The following MYD88 variants were observed in gnomAD, a reference collection of about 807,000 sequenced individuals.
MYD88 encodes the protein myeloid differentiation primary response protein MyD88.
A neutral mutation model predicts 31.1 loss-of-function variants in MYD88; 15 were observed. The ratio of observed to expected loss-of-function variants is 0.48; its 90% CI spans 0.32 to 0.74. MYD88 has a LOEUF of 0.74. MYD88 is among the 30% of genes least tolerant of loss of function. The probability of loss-of-function intolerance (pLI) is 0.03; values close to 1 mark genes in which losing one functional copy is unlikely to be tolerated. For missense variants in MYD88, 308 were observed against 387.4 expected, an observed-to-expected ratio of 0.79 and a Z score of 1.72; for synonymous variants, 157 against 158.8, an observed-to-expected ratio of 0.99 and a Z score of 0.08.
Position 38,141,235 on chromosome 3 carries a change from C to G in MYD88, c.840C>G (p.Cys280Trp), listed in dbSNP as rs1412285889. 1 of 1,614,112 alleles carries G rather than the reference C, an allele frequency of 6.2e-7. No homozygotes were observed. Among genetic ancestry groups the G allele is most frequent in the Admixed American group, 1.7e-5 (1 of 60,010 alleles). The change falls in exon 5 of 5, where the codon TGC becomes TGG. Residue 280 changes from cysteine (C) to tryptophan (W), a missense_variant. Cys to Trp is a radical substitution (Grantham distance 215). Coordinates refer to ENST00000650905, the MANE Select transcript of MYD88 (RefSeq NM_002468.5). ...FITVCDYTNP[C>W]TKSWFWTRLA... Reference sequence around the variant, plus strand: ...CTGTCTGCGACTACACCAACCCCTGCACCAAATCTTGGTTCTGGACTCGCC... The same window carrying G: ...CTGTCTGCGACTACACCAACCCCTGGACCAAATCTTGGTTCTGGACTCGCC...
intron 2 of MYD88, 162 bp from the exon 3 acceptor site, chr3:38,140,226 G>C (rs1231528370): frequency 2.1e-6 from 2 of 964,328 alleles, no homozygotes; most frequent in Non-Finnish European, 3.2e-6. Context: ...CTTAGCCCCT[G>C]AGGTACTCAT....
Position 38,141,160 on chromosome 3 carries a change from C to T in MYD88, c.765C>T (p.Ile255=), listed in dbSNP as rs1164336742. ...PGAHQKRLIP[I]KYKAMKKEFP... ...CCCATCAGAAGCGACTGATCCCCAT[C>T]AAGTACAAGGCAATGAAGAAAGAGT... The change falls in exon 5 of 5, where the codon ATC becomes ATT. Residue 255 remains isoleucine (I), a synonymous_variant. Transcript: ENST00000650905. 1.9e-6 allele frequency: 3 copies of T among 1,614,228 alleles called. No individual in the cohort carries two copies. Among genetic ancestry groups the T allele is most frequent in the South Asian group, 1.1e-5 (1 of 91,086 alleles).
chr3:38,139,530 C>T lies in MYD88; in HGVS notation c.329-334C>T, dbSNP rs1189207378. 2.3e-6 allele frequency: 1 copy of T among 442,142 alleles called. No homozygotes were observed. The highest frequency in any genetic ancestry group is 4.2e-6 in the Non-Finnish European group (1 of 237,670). 27.4% of individuals were successfully genotyped at this position (442,142 alleles called of 1,614,324 possible). ...CAGTGGGTCTCCTGAGCCTTTCTGG[C>T]ATGCCCAGCCCCTTGCTCACATCTG... On this transcript the variant is annotated intron_variant, in intron 1 of 4. Coordinates refer to ENST00000650905, the MANE Select transcript of MYD88 (RefSeq NM_002468.5). This position sits in a 1 kb window ranked among gnomAD's most constrained non-coding sequence, Gnocchi z 4.7.
Position 38,139,771 on chromosome 3 carries a change from G to C in MYD88, c.329-93G>C. 1.3e-6 allele frequency: 2 copies of C among 1,546,582 alleles called. No individual in the cohort carries two copies. Among genetic ancestry groups the C allele is most frequent in the Non-Finnish European group, 1.8e-6 (2 of 1,133,576 alleles). On this transcript the variant is annotated intron_variant, in intron 1 of 4. Coordinates refer to ENST00000650905, the MANE Select transcript of MYD88 (RefSeq NM_002468.5). The surrounding 1 kb of genome is among the most constrained non-coding windows in gnomAD (Gnocchi z 4.7). ...TGGGGAAGCCCTCTAGAACAACCCA[G>C]CCAGAGGAGGTGGGACAGCGGCTGG...
At position 38,139,486 on chromosome 3, in the gene MYD88, G is replaced by C. The variant is rs1432623096; in HGVS notation, c.329-378G>C. ...ACAGACAGGCACACCTTGCTGAGTTGGAATCACTGCACCATAACCAGTGGG... is the reference window on the plus strand; with the variant it reads ...ACAGACAGGCACACCTTGCTGAGTTCGAATCACTGCACCATAACCAGTGGG... On this transcript the variant is annotated intron_variant, in intron 1 of 4. Transcript: ENST00000650905. This position sits in a 1 kb window ranked among gnomAD's most constrained non-coding sequence, Gnocchi z 4.7. 2.5e-6 allele frequency: 1 copy of C among 407,672 alleles called. No homozygotes were observed. Among genetic ancestry groups the C allele is most frequent in the East Asian group, 5.2e-5 (1 of 19,142 alleles). The allele number at this position is 407,672 out of a possible 1,614,324, so 25.3% of individuals were successfully genotyped here.
intron 4 of MYD88, 34 bp downstream of exon 4, chr3:38,140,882 G>A (rs774256832): frequency 6.3e-7 from 1 of 1,590,614 alleles, no homozygotes; most frequent in Middle Eastern, 1.7e-4. Flanking sequence ...AGAGAATGAG[G>A]GAATGTGTAG....
rs1701076231 is a variant in MYD88 at position 38,141,302 on chromosome 3, C to T, written c.*16C>T. 4.3e-6 allele frequency: 7 copies of T among 1,614,180 alleles called. No individual in the cohort carries two copies. The highest frequency in any genetic ancestry group is 5.1e-6 in the Non-Finnish European group (6 of 1,180,006). On this transcript the variant is annotated 3_prime_UTR_variant, in exon 5 of 5. Transcript: ENST00000650905. ...CCTGCCCTGAAGACTGTTCTGAGGCCCTGGGTGTGTGTGTATCTGTCTGCC... is the reference window on the plus strand; with the variant it reads ...CCTGCCCTGAAGACTGTTCTGAGGCTCTGGGTGTGTGTGTATCTGTCTGCC...
In MYD88 at chr3:38,139,014, T is replaced by C; in HGVS notation, c.314T>C (p.Leu105Pro). The stretch of plus-strand genomic sequence containing the variant: ...GGCCGCGACGACGTGCTGCTGGAGC[T>C]GGGACCCAGCATTGGTGAGGACGTC... The part of the protein sequence containing the change: ...KLGRDDVLLE[L>P]GPSIEEDCQK... Residue 105 changes from leucine (L) to proline (P), a missense_variant, in exon 1 of 5, where the codon CTG becomes CCG. By Grantham distance (98) the Leu-to-Pro change is moderately conservative. Transcript: ENST00000650905. This position sits in a 1 kb window ranked among gnomAD's most constrained non-coding sequence, Gnocchi z 4.7. The C allele has an allele frequency of 6.2e-7, 1 of 1,604,688 alleles. No individual in the cohort carries two copies.
Position 38,139,417 on chromosome 3 carries a change from G to T in MYD88, c.328+389G>T, listed in dbSNP as rs1484819473. On this transcript the variant is annotated intron_variant, in intron 1 of 4. Coordinates refer to ENST00000650905, the MANE Select transcript of MYD88 (RefSeq NM_002468.5). This position sits in a 1 kb window ranked among gnomAD's most constrained non-coding sequence, Gnocchi z 4.7. The stretch of plus-strand genomic sequence containing the variant: ...ATGCAGCCCTTCTTTCTACTCACTG[G>T]CACTTACATAATATACATGCATAGG... 1.3e-5 allele frequency: 5 copies of T among 396,626 alleles called. No homozygotes were observed. The South Asian group carries it at 1.3e-4, about 11-fold the overall frequency. 24.6% of individuals were successfully genotyped at this position (396,626 alleles called of 1,614,324 possible). A position where few individuals can be genotyped will look rare whatever the true frequency, so the allele number is the denominator to read the frequency against.
At chr3:38,140,179 C>T (rs1307353114) in intron 2 of MYD88, 181 bp downstream of exon 2, 5 of 957,382 alleles carry the variant, frequency 5.2e-6, no homozygotes, top group South Asian at 1.4e-5. Context: ...CTGTGAGATG[C>T]TCATGAAATA....
At chr3:38,140,048 G>C in intron 2 of MYD88, 50 bp downstream of exon 2, 2 of 1,605,692 alleles carry the variant, frequency 1.2e-6, no homozygotes, top group South Asian at 2.2e-5. Context: ...GGACATTGTG[G>C]TGTTAAGAGC....
chr3:38,140,350 A>T (rs759924467), intron 2 of MYD88, 38 bp from the exon 3 acceptor site: 12 of 1,611,286 alleles, frequency 7.4e-6, no homozygotes, highest in Non-Finnish European at 1.0e-5. Flanking sequence ...AAGCCTTCCC[A>T]TGGAGCTCTG....
chr3:38,139,117 C>G lies in MYD88; in HGVS notation c.328+89C>G. On this transcript the variant is annotated intron_variant, in intron 1 of 4. Transcript: ENST00000650905. This position sits in a 1 kb window ranked among gnomAD's most constrained non-coding sequence, Gnocchi z 4.7. ...AGCATCCTGTCTCCCATGGAGAGAC[C>G]CCATTTCCTGCCTCGGGGGCCCGAA... 1 of 1,466,396 alleles carries G rather than the reference C, an allele frequency of 6.8e-7. No homozygotes were observed. Among genetic ancestry groups the G allele is most frequent in the Non-Finnish European group, 9.0e-7 (1 of 1,107,698 alleles). The allele number at this position is 1,466,396 out of a possible 1,614,324, so 90.8% of individuals were successfully genotyped here. A position where few individuals can be genotyped will look rare whatever the true frequency, so the allele number is the denominator to read the frequency against.
Position 38,140,830 on chromosome 3 carries a change from G to T in MYD88, c.718G>T (p.Ala240Ser), listed in dbSNP as rs2125779696. ...GGAATGTGACTTCCAGACCAAATTT[G>T]CACTCAGCCTCTCTCCAGGTAAGCT... is the stretch of plus-strand genomic sequence containing the variant. ...SKECDFQTKF[A>S]LSLSPGAHQK... Residue 240 changes from alanine to serine, a missense_variant, in exon 4 of 5, where the codon GCA (alanine) becomes TCA (serine). By Grantham distance (99) the Ala-to-Ser change is moderately conservative. Transcript: ENST00000650905. The T allele has an allele frequency of 6.2e-7, 1 of 1,614,188 alleles. No individual in the cohort carries two copies. The highest frequency in any genetic ancestry group is 8.5e-7 in the Non-Finnish European group (1 of 1,180,012).
chr3:38,142,397 G>A lies in MYD88; in HGVS notation c.*1111G>A, dbSNP rs1383924160. On this transcript the variant is annotated 3_prime_UTR_variant, in exon 5 of 5. Coordinates refer to ENST00000650905, the MANE Select transcript of MYD88 (RefSeq NM_002468.5). The stretch of plus-strand genomic sequence containing the variant: ...CTCCCAGGAACAGCTAGGTGGGAAA[G>A]TCCCATCACTGAGGGAGCCTAACCA... The A allele has an allele frequency of 4.3e-6, 1 of 233,190 alleles. No homozygotes were observed. The highest frequency in any genetic ancestry group is 8.5e-6 in the Non-Finnish European group (1 of 118,084). The allele number at this position is 233,190 out of a possible 1,614,324, so 14.4% of individuals were successfully genotyped here. A position where few individuals can be genotyped will look rare whatever the true frequency, so the allele number is the denominator to read the frequency against.
rs969473448 is a variant in MYD88, at chr3:38,139,192, G to T, written c.328+164G>T. On this transcript the variant is annotated intron_variant, in intron 1 of 4. Transcript: ENST00000650905. The surrounding 1 kb of genome is among the most constrained non-coding windows in gnomAD (Gnocchi z 4.7). ...CGGGTCCCGTTCCTTCTTAATAACC[G>T]GTCGCGGTTATTAAGAAGGACTGGA... The T allele has an allele frequency of 6.0e-6, 6 of 997,222 alleles. No homozygotes were observed. Among genetic ancestry groups the T allele is most frequent in the Non-Finnish European group, 8.6e-6 (6 of 701,250 alleles). 61.8% of individuals were successfully genotyped at this position (997,222 alleles called of 1,614,324 possible).
chr3:38,140,983 T>C (rs1211320067), intron 4 of MYD88, 135 bp downstream of exon 4: 4 of 1,323,700 alleles, frequency 3.0e-6, no homozygotes, highest in Non-Finnish European at 3.3e-6. Flanking sequence ...CCTGAGCATG[T>C]GTGCATGTGT....
Position 38,138,914 on chromosome 3 carries a change from G to A in MYD88, c.214G>A (p.Gly72Ser). 1.9e-6 allele frequency: 3 copies of A among 1,613,018 alleles called. No homozygotes were observed. In the African/African-American group the frequency reaches 4.0e-5, roughly 21 times the overall value. Residue 72 changes from glycine to serine, a missense_variant, in exon 1 of 5, where the codon GGC becomes AGC. Gly to Ser is a moderately conservative substitution (Grantham distance 56). Transcript: ENST00000650905. This position sits in a 1 kb window ranked among gnomAD's most constrained non-coding sequence, Gnocchi z 6.4. ...ACTGGAGACACAAGCGGACCCCACT[G>A]GCAGGCTGCTGGACGCCTGGCAGGG... Reference protein sequence around the residue: ...RQLETQADPTGRLLDAWQGRP... With the variant: ...RQLETQADPTSRLLDAWQGRP...
chr3:38,138,821 A>T lies in MYD88; in HGVS notation c.121A>T (p.Thr41Ser), dbSNP rs587778543. 23 of 1,613,676 alleles carry T rather than the reference A, an allele frequency of 1.4e-5. No individual in the cohort carries two copies. The highest frequency in any genetic ancestry group is 1.9e-5 in the Non-Finnish European group (23 of 1,179,998). ...CCTGTCTCTGTTCTTGAACGTGCGG[A>T]CACAGGTGGCGGCCGACTGGACCGC... ...RRLSLFLNVRTQVAADWTALA... is the reference protein window; with the variant it reads ...RRLSLFLNVRSQVAADWTALA... The change falls in exon 1 of 5, where the codon ACA (threonine) becomes TCA (serine). Residue 41 changes from threonine (T) to serine (S), a missense_variant. Thr to Ser is a moderately conservative substitution (Grantham distance 58, BLOSUM62 1). Coordinates refer to ENST00000650905, the MANE Select transcript of MYD88 (RefSeq NM_002468.5). The surrounding 1 kb of genome is among the most constrained non-coding windows in gnomAD (Gnocchi z 6.4).
Sources: allele counts gnomAD v4.1 joint callset, GRCh38; gene constraint gnomAD v4.1.1; non-coding constraint Gnocchi (gnomAD v3.1); transcripts MANE v1.5; gene names NCBI Gene and HGNC (gene_info 2026-07-23, HGNC 2026-07-21).